Variants in ABL2 observed in about 807,000 individuals in gnomAD.
The protein encoded by ABL2 is tyrosine-protein kinase ABL2.
ABL2 carries 49 observed loss-of-function variants against 107.7 expected under a neutral mutation model. The observed-to-expected ratio is 0.45, with a 90% CI of 0.36 to 0.58. The LOEUF (loss-of-function observed/expected upper bound fraction) is 0.58, where lower values mean the gene tolerates loss of function less well. Ranked by LOEUF, ABL2 falls within the 20% of genes least tolerant of loss-of-function variation. ABL2 has a pLI of 0.00. For missense variants in ABL2, 1,245 were observed against 1,457.0 expected (o/e 0.85, Z 2.37); for synonymous variants, 549 against 548.6 (o/e 1.00, Z -0.01).
intron 1 of ABL2, among the ~76,000 whole-genome samples, chr1:179,211,203 A>C (rs1278212427): frequency 6.6e-6 from 1 of 152,158 alleles, no homozygotes; most frequent in Non-Finnish European, 1.5e-5. Flanking sequence ...GGATTTCATA[A>C]AGTTTTCAGT....
At chr1:179,198,966 CT>C (rs1661499337) in intron 1 of ABL2, among the ~76,000 whole-genome samples, 1 of 151,628 alleles carries the variant, frequency 6.6e-6, no homozygotes, top group African/African-American at 2.4e-5. Flanking sequence ...CTCAGCCCCC[CT>C]AGTAGCTGGG....
chr1:179,157,691 A>C (rs1658789062), intron 1 of ABL2, among the ~76,000 whole-genome samples: 1 of 151,038 alleles, frequency 6.6e-6, no homozygotes, highest in South Asian at 2.1e-4. Context: ...GTTATCCAAA[A>C]GACAAATTAC....
intron 1 of ABL2, among the ~76,000 whole-genome samples, chr1:179,202,092 TAA>T (rs34598446): frequency 1.3e-4 from 19 of 148,440 alleles, no homozygotes; most frequent in Middle Eastern, 3.5e-3. Context: ...TTAAAGATAG[TAA>T]AAAAAAAAAA....
chr1:179,218,094 T>C (rs1271321647), intron 1 of ABL2, among the ~76,000 whole-genome samples: 2 of 152,314 alleles, frequency 1.3e-5, no homozygotes, highest in East Asian at 3.9e-4. Flanking sequence ...AAATGGCAAT[T>C]ATTTCATTAC....
intron 1 of ABL2, among the ~76,000 whole-genome samples, chr1:179,138,802 C>T (rs560183336): frequency 2.0e-5 from 3 of 152,318 alleles, no homozygotes; most frequent in Admixed American, 6.5e-5. Flanking sequence ...TGGCCAAGGC[C>T]GGAGCCCACT....
Position 179,099,979 on chromosome 1 carries a change from T to C in ABL2, c.*7739A>G, listed in dbSNP as rs1652970350. The C allele has an allele frequency of 4.3e-6, 1 of 232,618 alleles. No individual in the cohort carries two copies. The highest frequency in any genetic ancestry group is 8.5e-6 in the Non-Finnish European group (1 of 117,750). The allele number at this position is 232,618 out of a possible 1,614,324, so 14.4% of individuals were successfully genotyped here. ...GGAAAGATCTGAGCGATTCCTCTTT[T>C]ACTTACTCCCCCTTTCTTAATGGGC... On this transcript the variant is annotated 3_prime_UTR_variant, in exon 12 of 12. Transcript: ENST00000502732.
intron 1 of ABL2, among the ~76,000 whole-genome samples, chr1:179,165,284 G>C (rs2102761178): frequency 6.6e-6 from 1 of 152,276 alleles, no homozygotes; most frequent in Admixed American, 6.5e-5. Context: ...GATGAGATCT[G>C]TGTCCCCATG....
At chr1:179,190,043 C>T (rs2102818300) in intron 1 of ABL2, among the ~76,000 whole-genome samples, 1 of 152,258 alleles carries the variant, frequency 6.6e-6, no homozygotes. Flanking sequence ...TCTCGAACTC[C>T]TGACCTCAGG....
chr1:179,224,852 CAAAA>C (rs34472235), intron 1 of ABL2, among the ~76,000 whole-genome samples: 1 of 64,992 alleles, frequency 1.5e-5, no homozygotes, highest in Admixed American at 1.7e-4. Context: ...TCCGTCTCTA[CAAAA>C]AAAAAAAAAA....
chr1:179,147,360 G>A (rs148784423), intron 1 of ABL2, among the ~76,000 whole-genome samples: 13 of 152,138 alleles, frequency 8.5e-5, no homozygotes, highest in African/African-American at 2.9e-4. Context: ...TCCCACTACT[G>A]GGTATCTACC....
At chr1:179,133,412 A>G (rs1265242140) in intron 1 of ABL2, 38 bp from the exon 2 acceptor site, 4 of 1,613,938 alleles carry the variant, frequency 2.5e-6, no homozygotes, top group Non-Finnish European at 3.4e-6. Flanking sequence ...ACTTTTCTTA[A>G]GCTTCTTCAA....
intron 1 of ABL2, among the ~76,000 whole-genome samples, chr1:179,194,258 C>T (rs1661181869): frequency 6.6e-6 from 1 of 152,124 alleles, no homozygotes; most frequent in Admixed American, 6.5e-5. Context: ...TTTCAAGAAT[C>T]TTGTTACATG....
chr1:179,185,301 A>G (rs1388422532), intron 1 of ABL2, among the ~76,000 whole-genome samples: 1 of 152,204 alleles, frequency 6.6e-6, no homozygotes, highest in Middle Eastern at 3.2e-3. Flanking sequence ...TCTGACAGAC[A>G]TCCTTGCAGT....
In ABL2 at chr1:179,219,199, C is replaced by T. The variant is rs533999597; in HGVS notation, c.157+10042G>A. On this transcript the variant is annotated intron_variant, in intron 1 of 11. Coordinates refer to ENST00000502732, the MANE Select transcript of ABL2 (RefSeq NM_007314.4). ...CTGGGACTACATGTGTGCACTAGCA[C>T]GCCTGGCTAGGTTTTCTATTTTTTG... Among the ~76,000 whole-genome samples, 45 of 152,256 alleles carry T rather than the reference C, an allele frequency of 3.0e-4. No individual in the cohort carries two copies. In the South Asian group the frequency reaches 6.2e-3, roughly 21 times the overall value.
intron 1 of ABL2, among the ~76,000 whole-genome samples, chr1:179,225,081 T>C (rs1433552502): frequency 6.6e-6 from 1 of 152,106 alleles, no homozygotes; most frequent in Non-Finnish European, 1.5e-5. Context: ...CTCAGAAAAG[T>C]CACACAGCAC....
chr1:179,217,217 T>C (rs1416913556), intron 1 of ABL2, among the ~76,000 whole-genome samples: 1 of 151,140 alleles, frequency 6.6e-6, no homozygotes, highest in East Asian at 2.0e-4. Context: ...TCGCTTGAAC[T>C]CAGAAGGCCG....
At chr1:179,173,220 AC>A (rs1229302992) in intron 1 of ABL2, among the ~76,000 whole-genome samples, 1 of 151,670 alleles carries the variant, frequency 6.6e-6, no homozygotes, top group Non-Finnish European at 1.5e-5. Context: ...CAGAAAAAAA[AC>A]GTAAGTTAAC....
chr1:179,224,043 A>T (rs1226995906), intron 1 of ABL2, among the ~76,000 whole-genome samples: 1 of 144,378 alleles, frequency 6.9e-6, no homozygotes, highest in Non-Finnish European at 1.5e-5. Flanking sequence ...AGGTGAGAGG[A>T]TCACTTGAGT....
At chr1:179,180,897 A>G (rs988141568) in intron 1 of ABL2, among the ~76,000 whole-genome samples, 1 of 152,200 alleles carries the variant, frequency 6.6e-6, no homozygotes, top group Non-Finnish European at 1.5e-5. Context: ...TCCGCCCCCT[A>G]CCACAAAGCT....
Sources: gnomAD v4.1 joint callset for allele counts (sites outside exome capture counted in the v4.1 genomes callset) on GRCh38, gnomAD v4.1.1 for gene constraint, MANE v1.5 for transcripts, NCBI Gene and HGNC (gene_info 2026-07-23, HGNC 2026-07-21) for gene names.